The following ABCA4 variants were observed in gnomAD, a reference collection of about 807,000 sequenced individuals.
The protein encoded by ABCA4 is ATP binding cassette subfamily A member 4.
A neutral mutation model predicts 263.7 loss-of-function variants in ABCA4; 196 were observed. The ratio of observed to expected loss-of-function variants is 0.74; its 90% CI spans 0.66 to 0.84. The LOEUF (loss-of-function observed/expected upper bound fraction) is 0.84, where lower values mean the gene tolerates loss of function less well. Ranked by LOEUF, ABCA4 falls within the 40% of genes least tolerant of loss-of-function variation. The pLI, the probability that ABCA4 is intolerant of heterozygous loss-of-function variation, is 0.00. For missense variants in ABCA4, 2,792 were observed against 2,855.1 expected (o/e 0.98, Z 0.50); for synonymous variants, 1,133 against 1,094.2 (o/e 1.04, Z -0.70).
At chr1:94,087,224 T>A (rs1472269007) in intron 6 of ABCA4, among the ~76,000 whole-genome samples, 1 of 152,202 alleles carries the variant, frequency 6.6e-6, no homozygotes, top group Non-Finnish European at 1.5e-5. Flanking sequence ...CATCTCCTCT[T>A]CATTTTTATC....
chr1:94,083,478 T>C (rs776548428), intron 6 of ABCA4, 37 bp from the exon 7 acceptor site: 2 of 1,511,080 alleles, frequency 1.3e-6, no homozygotes, highest in Admixed American at 3.3e-5. Context: ...TAAATATATA[T>C]ATGTTTGTAG....
At chr1:94,042,686 G>T in intron 22 of ABCA4, 75 bp downstream of exon 22, 1 of 1,594,046 alleles carries the variant, frequency 6.3e-7, no homozygotes, top group Non-Finnish European at 8.6e-7. Flanking sequence ...CTACAAAATG[G>T]CAGGTGAGAG....
chr1:94,049,624 AAAAAAC>A (rs919232990), intron 17 of ABCA4, among the ~76,000 whole-genome samples: 1 of 152,168 alleles, frequency 6.6e-6, no homozygotes, highest in Non-Finnish European at 1.5e-5. Flanking sequence ...ACTCTGTCTC[AAAAAAC>A]AAAAACAAAA....
rs185026488 is a variant in ABCA4 at position 94,018,665 on chromosome 1, T to C, written c.5196+917A>G. 537 of 449,660 alleles carry C rather than the reference T, an allele frequency of 1.2e-3. 3 individuals are homozygous for C. Among genetic ancestry groups the C allele is most frequent in the African/African-American group, 0.01 (505 of 49,740 alleles). 27.9% of individuals were successfully genotyped at this position (449,660 alleles called of 1,614,324 possible). On this transcript the variant is annotated intron_variant, in intron 36 of 49. Transcript: ENST00000370225. ...TCATCACATGAAATGGAGGCTCATG[T>C]TGGTCTTAAAATGTTGAGATTTTAC...
rs1660619183 is a variant in ABCA4 at position 94,044,617 on chromosome 1, G to A, written c.3046C>T (p.His1016Tyr). The change falls in exon 20 of 50, where the codon CAC (histidine) becomes TAC (tyrosine). Residue 1016 changes from histidine to tyrosine, a missense_variant. Physicochemically the swap from His to Tyr is moderately conservative, Grantham distance 83. Transcript: ENST00000370225. ...CTCAGTTCCTGTGTCGCTTACTGGT[G>A]GAACAGGATGTTGTGCTGTGGACAC... ...GMCPQHNILFHHLTVAEHMLF... is the reference protein window; with the variant it reads ...GMCPQHNILFYHLTVAEHMLF... 6.2e-7 allele frequency: 1 copy of A among 1,614,098 alleles called. No homozygotes were observed. The highest frequency in any genetic ancestry group is 1.7e-5 in the Admixed American group (1 of 60,004).
intron 18 of ABCA4, 32 bp downstream of exon 18, chr1:94,048,836 C>T (rs1660760176): frequency 6.2e-7 from 1 of 1,606,750 alleles, no homozygotes; most frequent in Non-Finnish European, 8.5e-7. Flanking sequence ...CTTTTCCTCG[C>T]CTCTGCTGTG....
chr1:94,097,178 G>A (rs1210867936), intron 6 of ABCA4, among the ~76,000 whole-genome samples: 5 of 152,038 alleles, frequency 3.3e-5, no homozygotes, highest in African/African-American at 1.2e-4. Flanking sequence ...ACCTTTTCTG[G>A]GGTCCTGGGC....
chr1:94,010,747 C>A (rs748353723), intron 40 of ABCA4, 53 bp downstream of exon 40: 1 of 1,613,652 alleles, frequency 6.2e-7, no homozygotes, highest in South Asian at 1.1e-5. Flanking sequence ...GTATAAGGTC[C>A]AGTTCTGGAT....
intron 38 of ABCA4, 117 bp from the exon 39 acceptor site, chr1:94,011,502 G>A: frequency 6.5e-7 from 1 of 1,534,016 alleles, no homozygotes; most frequent in Non-Finnish European, 9.0e-7. Context: ...CAGACAGAGA[G>A]TCCTTGCAGC....
intron 31 of ABCA4, among the ~76,000 whole-genome samples, 158 bp downstream of exon 31, chr1:94,024,796 T>C (rs1659990714): frequency 6.6e-6 from 1 of 152,312 alleles, no homozygotes; most frequent in African/African-American, 2.4e-5. Flanking sequence ...TGTGCCTCAA[T>C]TGCTTTTTAT....
chr1:94,043,236 C>A, intron 21 of ABCA4, 100 bp downstream of exon 21: 1 of 1,552,750 alleles, frequency 6.4e-7, no homozygotes, highest in South Asian at 1.2e-5. Flanking sequence ...TGTTCCCACC[C>A]TTAGAAGCTC....
At chr1:94,095,922 A>G (rs1191878725) in intron 6 of ABCA4, among the ~76,000 whole-genome samples, 1 of 151,008 alleles carries the variant, frequency 6.6e-6, no homozygotes, top group Admixed American at 6.6e-5. Context: ...CTCCGTGGTT[A>G]ACTGAGGCCG....
At chr1:94,008,370 G>A in intron 41 of ABCA4, 73 bp from the exon 42 acceptor site, 1 of 1,476,106 alleles carries the variant, frequency 6.8e-7, no homozygotes, top group South Asian at 1.1e-5. Context: ...GGAACAAAGA[G>A]CAAAGGATGG....
At chr1:94,093,269 A>G (rs1459893012) in intron 6 of ABCA4, among the ~76,000 whole-genome samples, 1 of 152,190 alleles carries the variant, frequency 6.6e-6, no homozygotes, top group Non-Finnish European at 1.5e-5. Flanking sequence ...TGTAAAGGCT[A>G]TTAACCTGGG....
intron 6 of ABCA4, among the ~76,000 whole-genome samples, chr1:94,095,287 C>T (rs1436336039): frequency 6.6e-6 from 1 of 151,654 alleles, no homozygotes; most frequent in African/African-American, 2.4e-5. Context: ...AACCCCAGCG[C>T]CCCCCTCCGA....
chr1:94,008,685 A>T, intron 41 of ABCA4, 66 bp downstream of exon 41: 1 of 1,609,316 alleles, frequency 6.2e-7, no homozygotes, highest in Non-Finnish European at 8.5e-7. Context: ...CTATAGAAGG[A>T]AAATGGCAAC....
At chr1:94,096,735 T>C (rs1236664900) in intron 6 of ABCA4, among the ~76,000 whole-genome samples, 1 of 152,232 alleles carries the variant, frequency 6.6e-6, no homozygotes, top group East Asian at 1.9e-4. Flanking sequence ...ATCTCTGGCA[T>C]TGACATCCCA....
intron 1 of ABCA4, among the ~76,000 whole-genome samples, chr1:94,117,613 G>C (rs1274874446): frequency 1.3e-5 from 2 of 152,088 alleles, no homozygotes; most frequent in African/African-American, 4.8e-5. Context: ...TACTTGTCTT[G>C]TGCAGTGGAG....
At chr1:94,103,217 T>C in intron 4 of ABCA4, 75 bp from the exon 5 acceptor site, 4 of 1,547,394 alleles carry the variant, frequency 2.6e-6, no homozygotes, top group Non-Finnish European at 3.5e-6. Context: ...CCAGAGTCGA[T>C]TGGAAACACT....
Sources: gnomAD v4.1 joint callset for allele counts (sites outside exome capture counted in the v4.1 genomes callset) on GRCh38, gnomAD v4.1.1 for gene constraint, MANE v1.5 for transcripts, NCBI Gene and HGNC (gene_info 2026-07-23, HGNC 2026-07-21) for gene names.